The following MYH14 variants were observed in gnomAD, a reference collection of about 807,000 sequenced individuals.
MYH14 encodes the protein myosin-14.
MYH14 carries 123 observed loss-of-function variants against 255.5 expected under a neutral mutation model. The ratio of observed to expected loss-of-function variants is 0.48; its 90% confidence interval spans 0.42 to 0.56. The LOEUF is 0.56. Ranked by LOEUF, MYH14 falls within the 20% of genes least tolerant of loss-of-function variation. MYH14 has a pLI of 0.00. For missense variants in MYH14, 2,423 were observed against 2,802.3 expected (o/e 0.86, Z 3.06); for synonymous variants, 1,095 against 1,161.2 (o/e 0.94, Z 1.16).
intron 3 of MYH14, among the ~76,000 whole-genome samples, chr19:50,222,252 C>T (rs537090384): frequency 1.3e-5 from 2 of 151,794 alleles, no homozygotes; most frequent in Admixed American, 6.6e-5. Flanking sequence ...AGGCCGAGGC[C>T]GGTGGATCAC....
chr19:50,210,609 C>T lies in MYH14; in HGVS notation c.244C>T (p.Leu82=). 1 of 1,570,926 alleles carries T rather than the reference C, an allele frequency of 6.4e-7. No individual in the cohort carries two copies. The highest frequency in any genetic ancestry group is 8.6e-7 in the Non-Finnish European group (1 of 1,159,118). The change falls in exon 2 of 43, where the codon CTG becomes TTG. Residue 82 remains leucine, a synonymous_variant. Transcript: ENST00000642316. ...AGGCGAGGAGGAGGCGGAGGTGGAGCTGGCGGAGAGCGGGAGGCGGCTGCG... is the reference window on the plus strand; with the variant it reads ...AGGCGAGGAGGAGGCGGAGGTGGAGTTGGCGGAGAGCGGGAGGCGGCTGCG... ...DEGEEEAEVE[L]AESGRRLRLP...
chr19:50,248,457 G>T (rs1010941850), intron 12 of MYH14, among the ~76,000 whole-genome samples: 3 of 152,184 alleles, frequency 2.0e-5, no homozygotes, highest in African/African-American at 7.2e-5. Context: ...TCAGAATCCA[G>T]CTTTTGGGCA....
chr19:50,205,068 T>C (rs988253856), intron 1 of MYH14, among the ~76,000 whole-genome samples: 1 of 152,118 alleles, frequency 6.6e-6, no homozygotes, highest in Non-Finnish European at 1.5e-5. Context: ...TTACTGTCTA[T>C]AGATTTTGTT....
intron 7 of MYH14, among the ~76,000 whole-genome samples, chr19:50,226,684 A>G (rs562090037): frequency 6.6e-6 from 1 of 151,926 alleles, no homozygotes; most frequent in South Asian, 2.1e-4. Flanking sequence ...GCTGGGGACC[A>G]GGGGGCTGGG....
chr19:50,251,991 G>A (rs1172570116), intron 15 of MYH14, among the ~76,000 whole-genome samples: 1 of 152,206 alleles, frequency 6.6e-6, no homozygotes, highest in Non-Finnish European at 1.5e-5. Context: ...CAGAGGATGG[G>A]TGAAGGGTGG....
chr19:50,207,312 A>AGAGAGAGAGAGG (rs1438345270), intron 1 of MYH14, among the ~76,000 whole-genome samples: 61 of 148,354 alleles, frequency 4.1e-4, no homozygotes, highest in Non-Finnish European at 7.4e-4. Flanking sequence ...AGAGAGAGAG[A>AGAGAGAGAGAGG]GACTAGGGGC....
rs1000006308 is a variant in MYH14, at chr19:50,230,712, G to T, written c.973+89G>T. 4 of 1,102,520 alleles carry T rather than the reference G, an allele frequency of 3.6e-6. No individual in the cohort carries two copies. Among genetic ancestry groups the T allele is most frequent in the Middle Eastern group, 2.0e-4 (1 of 5,056 alleles). 68.3% of individuals were successfully genotyped at this position (1,102,520 alleles called of 1,614,324 possible). On this transcript the variant is annotated intron_variant, in intron 9 of 42. Coordinates refer to ENST00000642316, the MANE Select transcript of MYH14 (RefSeq NM_001145809.2). The surrounding 1 kb of genome is among the most constrained non-coding windows in gnomAD (Gnocchi z 4.7). ...CCCCTTCTGGGGAGGAAGCAAGAGT[G>T]GGGGGCTCTAATATCCGTCAAACAC...
intron 42 of MYH14, 91 bp downstream of exon 42, chr19:50,309,268 A>G (rs2036762482): frequency 3.9e-6 from 5 of 1,269,836 alleles, no homozygotes; most frequent in South Asian, 1.2e-5. Flanking sequence ...GGGCAACAAC[A>G]GGGGGAAATG....
rs754505777 is a variant in MYH14, at chr19:50,278,105, C to T, written c.3848C>T (p.Thr1283Ile). The change falls in exon 30 of 43, where the codon ACC becomes ATC. Residue 1283 changes from threonine (T) to isoleucine (I), a missense_variant. This residue lies in a region of MYH14 where 1,513 missense variants were observed against 1,674.8 expected (regional missense o/e 0.90). Transcript: ENST00000642316. ...ARRGKGAWEKTRLALEAEVSE... is the reference protein window; with the variant it reads ...ARRGKGAWEKIRLALEAEVSE... The stretch of plus-strand genomic sequence containing the variant: ...CAGGGCAAAGGTGCATGGGAGAAGA[C>T]CCGGCTGGCCCTGGAGGCCGAGGTG... 1.9e-6 allele frequency: 3 copies of T among 1,592,042 alleles called. No individual in the cohort carries two copies. The highest frequency in any genetic ancestry group is 2.2e-5 in the South Asian group (2 of 88,922).
chr19:50,209,581 G>A (rs138491479), intron 1 of MYH14, among the ~76,000 whole-genome samples: 1,804 of 150,770 alleles, frequency 0.012, 13 homozygotes, highest in Middle Eastern at 0.021. Context: ...TCAGGGGATC[G>A]AGACCAACCT....
Position 50,237,332 on chromosome 19 carries a change from T to TG in MYH14, c.1114+5262_1114+5263insG, listed in dbSNP as rs1432311093. ...ACCCCAACTCAGGTGTGAACATTTT[T>TG]TTTTTTTTTTGAGACAGAGTCTCGT... On this transcript the variant is annotated intron_variant, in intron 10 of 42. Coordinates refer to ENST00000642316, the MANE Select transcript of MYH14 (RefSeq NM_001145809.2). 1.7e-3 allele frequency among the ~76,000 whole-genome samples: 264 copies of TG among 151,610 alleles called. 3 individuals carry two copies. The highest frequency in any genetic ancestry group is 5.7e-3 in the African/African-American group (237 of 41,314).
intron 32 of MYH14, 128 bp from the exon 33 acceptor site, chr19:50,281,466 G>A (rs767236673): frequency 1.5e-5 from 20 of 1,363,940 alleles, no homozygotes; most frequent in Non-Finnish European, 1.9e-5. Context: ...AGGCAGAAGA[G>A]CCCAGCAGAA....
In MYH14 at chr19:50,262,350, G is replaced by C. The variant is rs530444401; in HGVS notation, c.2585+715G>C. ...AGGCGGGCGGATCACTTGAGGTCAGGAGTTCGAGACAAGCCTGGCCAACAT... is the reference window on the plus strand; with the variant it reads ...AGGCGGGCGGATCACTTGAGGTCAGCAGTTCGAGACAAGCCTGGCCAACAT... On this transcript the variant is annotated intron_variant, in intron 21 of 42. Transcript: ENST00000642316. Among the ~76,000 whole-genome samples the C allele has an allele frequency of 3.3e-5, 5 of 152,162 alleles. No homozygotes were observed. In the South Asian group the frequency reaches 8.3e-4, roughly 25 times the overall value.
rs187789045 is a variant in MYH14, at chr19:50,301,790, C to G, written c.5599C>G (p.Arg1867Gly). ...CCTGGGTGAGGAGGATGCTGGGGCCCGTGCCCGCCACAAGATGACCATTGC... is the reference window on the plus strand; with the variant it reads ...CCTGGGTGAGGAGGATGCTGGGGCCGGTGCCCGCCACAAGATGACCATTGC... ...GRLGEEDAGA[R>G]ARHKMTIAAL... Residue 1867 changes from arginine (R) to glycine (G), a missense_variant, in exon 40 of 43, where the codon CGT becomes GGT. This residue lies in a region of MYH14 where 1,513 missense variants were observed against 1,674.8 expected (regional missense o/e 0.90). Coordinates refer to ENST00000642316, the MANE Select transcript of MYH14 (RefSeq NM_001145809.2). 8 of 1,612,388 alleles carry G rather than the reference C, an allele frequency of 5.0e-6. No individual in the cohort carries two copies. The South Asian group carries it at 8.8e-5, about 18-fold the overall frequency.
chr19:50,278,415 T>A, intron 30 of MYH14, 126 bp downstream of exon 30: 1 of 683,322 alleles, frequency 1.5e-6, no homozygotes, highest in Non-Finnish European at 2.3e-6. Context: ...CATAATCATG[T>A]ACAAGTCTGG....
At chr19:50,220,987 G>A (rs772032009) in intron 3 of MYH14, among the ~76,000 whole-genome samples, 6 of 152,064 alleles carry the variant, frequency 3.9e-5, no homozygotes, top group Non-Finnish European at 7.4e-5. Context: ...ATTTAACCTC[G>A]TAGCAAATCT....
intron 16 of MYH14, among the ~76,000 whole-genome samples, chr19:50,254,544 T>C (rs932904318): frequency 1.3e-5 from 2 of 152,194 alleles, no homozygotes; most frequent in Non-Finnish European, 2.9e-5. Flanking sequence ...TGTGCCTGAC[T>C]CTCAGAGGGT....
chr19:50,279,394 G>T (rs1203672273), intron 30 of MYH14, among the ~76,000 whole-genome samples: 3 of 152,212 alleles, frequency 2.0e-5, no homozygotes, highest in South Asian at 2.1e-4. Flanking sequence ...CACTTTGGCA[G>T]CGGAGGCGGG....
At chr19:50,298,916 T>C (rs764530465) in intron 39 of MYH14, among the ~76,000 whole-genome samples, 3 of 151,962 alleles carry the variant, frequency 2.0e-5, no homozygotes, top group Non-Finnish European at 2.9e-5. Context: ...ACCCTGTCCC[T>C]ACCAAAAACA....
Sources: allele counts gnomAD v4.1 joint callset (sites outside exome capture counted in the v4.1 genomes callset), GRCh38; gene constraint gnomAD v4.1.1; regional missense constraint gnomAD v4.1.1; non-coding constraint Gnocchi (gnomAD v3.1); transcripts MANE v1.5; gene names NCBI Gene and HGNC (gene_info 2026-07-23, HGNC 2026-07-21).